ITGB2: variants seen among roughly 807,000 people sequenced by gnomAD.
The protein encoded by ITGB2 is integrin beta-2.
ITGB2 carries 56 observed loss-of-function variants against 86.8 expected under a neutral mutation model. The ratio of observed to expected loss-of-function variants is 0.65; its 90% CI spans 0.52 to 0.81. The LOEUF (loss-of-function observed/expected upper bound fraction) is 0.81, where lower values mean the gene tolerates loss of function less well. ITGB2 is among the 30% of genes least tolerant of loss of function. The pLI is 0.00. For missense variants in ITGB2, 948 were observed against 1,061.2 expected, an observed-to-expected ratio of 0.89 and a Z score of 1.48; for synonymous variants, 457 against 450.4, an observed-to-expected ratio of 1.01 and a Z score of -0.19.
At chr21:44,911,375 C>A in intron 1 of ITGB2, 1 of 161,244 alleles carries the variant, frequency 6.2e-6, no homozygotes, top group South Asian at 1.6e-4. Context: ...ACCCCACACA[C>A]CCGGTGTGTG....
intron 1 of ITGB2, among the ~76,000 whole-genome samples, chr21:44,926,594 G>C (rs2084376474): frequency 6.6e-6 from 1 of 152,204 alleles, no homozygotes; most frequent in Non-Finnish European, 1.5e-5. Context: ...TAGGACTGAG[G>C]AGTCCGTCCC....
intron 5 of ITGB2, among the ~76,000 whole-genome samples, chr21:44,902,141 A>G (rs1450321127): frequency 6.6e-6 from 1 of 152,130 alleles, no homozygotes; most frequent in Non-Finnish European, 1.5e-5. Flanking sequence ...GAGCATGTTC[A>G]GGTATGGACA....
chr21:44,922,662 A>AGG (rs1568913822), upstream of ITGB2, among the ~76,000 whole-genome samples: 3 of 127,332 alleles, frequency 2.4e-5, no homozygotes, highest in African/African-American at 3.4e-5. Flanking sequence ...AACTGAGAAA[A>AGG]AAAAAAAAAA....
At chr21:44,889,180 A>G in intron 13 of ITGB2, 96 bp downstream of exon 13, 2 of 1,203,822 alleles carry the variant, frequency 1.7e-6, no homozygotes, top group Non-Finnish European at 2.4e-6. Context: ...CGCGGTGCAG[A>G]GGTGCTCACT....
chr21:44,916,341 T>C lies in ITGB2; in HGVS notation c.-4+4480A>G, dbSNP rs2084209791. ...AAAGTACTCTGCTAAATACCTGAAG[T>C]CAAAGGGAAATCAAATGATATTTAC... On this transcript the variant is annotated intron_variant, in intron 1 of 15. Transcript: ENST00000652462. Among the ~76,000 whole-genome samples, 3 of 150,764 alleles carry C rather than the reference T, an allele frequency of 2.0e-5. No individual in the cohort carries two copies. The South Asian group carries it at 6.3e-4, about 32-fold the overall frequency.
intron 1 of ITGB2, among the ~76,000 whole-genome samples, chr21:44,914,562 A>G (rs919056557): frequency 3.3e-5 from 5 of 152,230 alleles, no homozygotes; most frequent in African/African-American, 1.2e-4. Context: ...AGAGACCTGC[A>G]GCAGATCCGG....
At chr21:44,913,922 T>C (rs2084166963) in intron 1 of ITGB2, among the ~76,000 whole-genome samples, 1 of 152,170 alleles carries the variant, frequency 6.6e-6, no homozygotes, top group Admixed American at 6.5e-5. Flanking sequence ...GCCTGGCCAC[T>C]GTCACCTCTG....
In ITGB2 at chr21:44,886,882, T is replaced by C. The variant is rs939066370; in HGVS notation, c.2101A>G (p.Ile701Val). Residue 701 changes from isoleucine to valine, a missense_variant, in exon 15 of 16, where the codon ATC (isoleucine) becomes GTC (valine). Transcript: ENST00000652462. ...ESRECVAGPNIAAIVGGTVAG... is the reference protein window; with the variant it reads ...ESRECVAGPNVAAIVGGTVAG... ...ACGGTGCCCCCGACGATGGCGGCGATGTTGGGGCCTGCCACACACTCTAGG... is the reference window on the plus strand; with the variant it reads ...ACGGTGCCCCCGACGATGGCGGCGACGTTGGGGCCTGCCACACACTCTAGG... 1 of 1,613,256 alleles carries C rather than the reference T, an allele frequency of 6.2e-7. No homozygotes were observed. The highest frequency in any genetic ancestry group is 1.3e-5 in the African/African-American group (1 of 75,032).
At chr21:44,924,016 T>C (rs2084341696), upstream of ITGB2, among the ~76,000 whole-genome samples, 1 of 152,130 alleles carries the variant, frequency 6.6e-6, no homozygotes, top group South Asian at 2.1e-4. Context: ...CACAGACAGT[T>C]CAGCAGCCAT....
intron 1 of ITGB2, among the ~76,000 whole-genome samples, chr21:44,917,322 GAC>G (rs1382064624): frequency 6.6e-6 from 1 of 152,276 alleles, no homozygotes; most frequent in African/African-American, 2.4e-5. Context: ...AAAAAAGAGA[GAC>G]ACAGTTCCAA....
intron 4 of ITGB2, 144 bp downstream of exon 4, chr21:44,906,771 G>T: frequency 3.7e-6 from 3 of 819,374 alleles, no homozygotes; most frequent in Non-Finnish European, 4.0e-6. Flanking sequence ...CAGCAGCCTT[G>T]GGGCTTCACT....
chr21:44,915,479 AG>A (rs1344161461), intron 1 of ITGB2, among the ~76,000 whole-genome samples: 5 of 152,300 alleles, frequency 3.3e-5, no homozygotes, highest in African/African-American at 9.6e-5. Context: ...CTCGCATCAA[AG>A]TGACTCGGAG....
rs777630872 is a variant in ITGB2, at chr21:44,886,846, C to T, written c.2137G>A (p.Val713Met). ...ACCAGCAGGAGAATGCCGATCAGCA[C>T]GATGCCTGCCACGGTGCCCCCGACG... Reference protein sequence around the residue: ...AIVGGTVAGIVLIGILLLVIW... With the variant: ...AIVGGTVAGIMLIGILLLVIW... Residue 713 changes from valine to methionine, a missense_variant, in exon 15 of 16, where the codon GTG becomes ATG. Coordinates refer to ENST00000652462, the MANE Select transcript of ITGB2 (RefSeq NM_000211.5). 13 of 1,613,658 alleles carry T rather than the reference C, an allele frequency of 8.1e-6. No homozygotes were observed. The highest frequency in any genetic ancestry group is 1.6e-4 in the Middle Eastern group (1 of 6,062).
chr21:44,887,599 C>T (rs959047459), intron 14 of ITGB2, among the ~76,000 whole-genome samples: 7 of 151,854 alleles, frequency 4.6e-5, no homozygotes, highest in African/African-American at 1.2e-4. Context: ...ACTCCCTGTG[C>T]CCCCTCCTGC....
At chr21:44,894,791 G>C (rs1334386438) in intron 9 of ITGB2, 180 bp downstream of exon 9, 1 of 660,312 alleles carries the variant, frequency 1.5e-6, no homozygotes, top group African/African-American at 1.8e-5. Context: ...GCTCCCCGTG[G>C]AAGTGCCGGG....
intron 4 of ITGB2, among the ~76,000 whole-genome samples, chr21:44,906,144 TTCCCTCCCTTCCC>T (rs2084039069): frequency 7.6e-6 from 1 of 130,998 alleles, no homozygotes; most frequent in African/African-American, 3.0e-5. Context: ...TCCCTTCCCC[TTCCCTCCCTTCCC>T]TCCCTTCCCT....
intron 9 of ITGB2, chr21:44,894,726 C>T (rs1359671998): frequency 1.2e-5 from 7 of 565,000 alleles, no homozygotes; most frequent in Non-Finnish European, 2.2e-5. Flanking sequence ...ATGAAGAGTC[C>T]GGAGCTCAGG....
At chr21:44,889,669 G>A (rs532422061) in intron 12 of ITGB2, among the ~76,000 whole-genome samples, 174 bp from the exon 13 acceptor site, 16 of 152,318 alleles carry the variant, frequency 1.1e-4, no homozygotes, top group African/African-American at 3.8e-4. Context: ...CCAGCCACGT[G>A]GCCGCCTCCT....
chr21:44,889,003 C>T lies in ITGB2; in HGVS notation c.1878-108G>A, dbSNP rs997141054. The T allele has an allele frequency of 6.6e-5, 63 of 958,696 alleles. No individual in the cohort carries two copies. The East Asian group carries it at 1.2e-3, about 19-fold the overall frequency. 59.4% of individuals were successfully genotyped at this position (958,696 alleles called of 1,614,324 possible). ...CCAGGGGGGGCAGGTGGGGTTGGGG[C>T]GCCCTCAGGCCAAGGAGGGGGCCCA... On this transcript the variant is annotated intron_variant, in intron 13 of 15. Coordinates refer to ENST00000652462, the MANE Select transcript of ITGB2 (RefSeq NM_000211.5).
Sources: allele counts gnomAD v4.1 joint callset (sites outside exome capture counted in the v4.1 genomes callset), GRCh38; gene constraint gnomAD v4.1.1; transcripts MANE v1.5; gene names NCBI Gene and HGNC (gene_info 2026-07-23, HGNC 2026-07-21).